Variants in PROM2 observed in about 807,000 individuals in gnomAD.
PROM2 encodes prominin 2.
In PROM2, 90 loss-of-function variants were observed where a neutral mutation model predicts 110.2. That is an observed-to-expected ratio of 0.82 (90% CI 0.69 to 0.97). PROM2 has a LOEUF of 0.97. Among genes scored for constraint, PROM2 ranks in the 50% least tolerant of loss-of-function variants. PROM2 has a pLI of 0.00. For synonymous variants in PROM2, 470 were observed against 467.8 expected (o/e 1.00, Z -0.06); for missense variants, 1,009 against 1,074.8 (o/e 0.94, Z 0.86).
At chr2:95,277,268 A>T in intron 6 of PROM2, 96 bp from the exon 7 acceptor site, 2 of 1,350,652 alleles carry the variant, frequency 1.5e-6, no homozygotes, top group Non-Finnish European at 2.0e-6. Context: ...AATGATTTGC[A>T]GGTCCCTTTG....
At position 95,274,730 on chromosome 2, in the gene PROM2, T is replaced by G; in HGVS notation, c.145T>G (p.Trp49Gly). 3 of 1,612,090 alleles carry G rather than the reference T, an allele frequency of 1.9e-6. No homozygotes were observed. Among genetic ancestry groups the G allele is most frequent in the Non-Finnish European group, 2.5e-6 (3 of 1,179,862 alleles). ...ATTCACCCCAGCAGCCAGGGCCCGG[T>G]GGCTGGCCCCTCGAGTTCGTGCGCC... ...LTFTPAARAR[W>G]LAPRVRAPGL... The change falls in exon 1 of 24, where the codon TGG (tryptophan) becomes GGG (glycine). Residue 49 changes from tryptophan to glycine, a missense_variant. Coordinates refer to ENST00000317620, the MANE Select transcript of PROM2 (RefSeq NM_001165978.3).
At chr2:95,274,954 A>T in intron 1 of PROM2, 125 bp downstream of exon 1, 1 of 1,297,346 alleles carries the variant, frequency 7.7e-7, no homozygotes, top group Non-Finnish European at 1.0e-6. Flanking sequence ...CTGGGGTAGA[A>T]GGCGGAGGAT....
At position 95,276,327 on chromosome 2, in the gene PROM2, C is replaced by G. The variant is rs774018520; in HGVS notation, c.598C>G (p.Leu200Val). 11 of 1,613,570 alleles carry G rather than the reference C, an allele frequency of 6.8e-6. No individual in the cohort carries two copies. In the South Asian group the frequency reaches 1.1e-4, roughly 16 times the overall value. Residue 200 changes from leucine to valine, a missense_variant, in exon 4 of 24, where the codon CTG (leucine) becomes GTG (valine). Transcript: ENST00000317620. The surrounding 1 kb of genome is among the most constrained non-coding windows in gnomAD (Gnocchi z 4.6). The part of the protein sequence containing the change: ...MPETLLSLWG[L>V]VSDVPQELQA... Reference sequence around the variant, plus strand: ...TGAGACCCTGCTCAGCCTCTGGGGCCTGGTCTCTGATGTCCCCCAAGTGAG... The same window carrying G: ...TGAGACCCTGCTCAGCCTCTGGGGCGTGGTCTCTGATGTCCCCCAAGTGAG...
chr2:95,285,842 C>G (rs1420173096), intron 16 of PROM2, 132 bp downstream of exon 16: 1 of 811,334 alleles, frequency 1.2e-6, no homozygotes, highest in Non-Finnish European at 2.0e-6. Context: ...AGGCTCCTGA[C>G]CCCTGGCTGG....
At position 95,289,017 on chromosome 2, in the gene PROM2, C is replaced by T. The variant is rs1418772749; in HGVS notation, c.*10+11C>T. On this transcript the variant is annotated intron_variant, in intron 23 of 23. Transcript: ENST00000317620. ...TGTAGGGCCTTGTGGGTGAGTTTTC[C>T]CCAACTCGCTTAATTGCTCCCTGCC... 2 of 1,609,134 alleles carry T rather than the reference C, an allele frequency of 1.2e-6. No homozygotes were observed. The highest frequency in any genetic ancestry group is 2.7e-5 in the African/African-American group (2 of 74,810).
chr2:95,275,824 C>T lies in PROM2; in HGVS notation c.295-106C>T. On this transcript the variant is annotated intron_variant, in intron 2 of 23. Transcript: ENST00000317620. This position sits in a 1 kb window ranked among gnomAD's most constrained non-coding sequence, Gnocchi z 4.4. The stretch of plus-strand genomic sequence containing the variant: ...CGGGTTCCATGAGATGCAGGCCATG[C>T]CCCTGACGGCACTCCCGCCCCTTCT... The T allele has an allele frequency of 6.6e-7, 1 of 1,523,158 alleles. No individual in the cohort carries two copies. Among genetic ancestry groups the T allele is most frequent in the Non-Finnish European group, 8.8e-7 (1 of 1,139,072 alleles). 94.4% of individuals were successfully genotyped at this position (1,523,158 alleles called of 1,614,324 possible).
rs1677578379 is a variant in PROM2 at position 95,289,598 on chromosome 2, A to G, written c.*385A>G. ...CTTCCCGTGTGTCTTCCCCCTGCCA[A>G]GCCTCCCCCTGCCAAGCCTCCCCCT... On this transcript the variant is annotated 3_prime_UTR_variant, in exon 24 of 24. Transcript: ENST00000317620. The G allele has an allele frequency of 8.2e-6, 1 of 121,514 alleles. No homozygotes were observed. Among genetic ancestry groups the G allele is most frequent in the African/African-American group, 3.2e-5 (1 of 31,514 alleles). 7.5% of individuals were successfully genotyped at this position (121,514 alleles called of 1,614,324 possible). A position where few individuals can be genotyped will look rare whatever the true frequency, so the allele number is the denominator to read the frequency against.
At position 95,286,798 on chromosome 2, in the gene PROM2, C is replaced by T. The variant is rs367992346; in HGVS notation, c.2041-6C>T. On this transcript the variant is annotated splice_polypyrimidine_tract_variant and splice_region_variant and intron_variant, in intron 17 of 23. Transcript: ENST00000317620. Reference sequence around the variant, plus strand: ...CCCCTAACCAGCCCTGATCTCTTCTCCACAGGCAAAGCTCAACCTCAGCGT... The same window carrying T: ...CCCCTAACCAGCCCTGATCTCTTCTTCACAGGCAAAGCTCAACCTCAGCGT... The T allele has an allele frequency of 1.2e-6, 2 of 1,612,786 alleles. No homozygotes were observed. Among genetic ancestry groups the T allele is most frequent in the Non-Finnish European group, 8.5e-7 (1 of 1,179,520 alleles).
In PROM2 at chr2:95,276,078, C is replaced by T; in HGVS notation, c.443C>T (p.Ala148Val). ...GRVKTEHKAL[A>V]CERAALMVFL... is the part of the protein sequence containing the mutation. ...GTGAAGACAGAGCACAAGGCGCTGG[C>T]CTGTGAGCGCGCGGCCCTCATGGTC... The change falls in exon 3 of 24, where the codon GCC (alanine) becomes GTC (valine). Residue 148 changes from alanine to valine, a missense_variant. By Grantham distance (64) the Ala-to-Val change is moderately conservative (BLOSUM62 0). Transcript: ENST00000317620. This position sits in a 1 kb window ranked among gnomAD's most constrained non-coding sequence, Gnocchi z 4.6. 1 of 1,611,248 alleles carries T rather than the reference C, an allele frequency of 6.2e-7. No homozygotes were observed. Among genetic ancestry groups the T allele is most frequent in the Non-Finnish European group, 8.5e-7 (1 of 1,179,856 alleles).
Position 95,286,826 on chromosome 2 carries a change from G to A in PROM2, c.2063G>A (p.Arg688Lys). The stretch of plus-strand genomic sequence containing the variant: ...CAGGCAAAGCTCAACCTCAGCGTCA[G>A]GGCCCTGGAGTCCTCTGCCCCGAAT... ...SLVAKLNLSV[R>K]ALESSAPNLQ... Residue 688 changes from arginine to lysine, a missense_variant, in exon 18 of 24, where the codon AGG becomes AAG. Coordinates refer to ENST00000317620, the MANE Select transcript of PROM2 (RefSeq NM_001165978.3). 2.5e-6 allele frequency: 4 copies of A among 1,613,668 alleles called. No individual in the cohort carries two copies. Among genetic ancestry groups the A allele is most frequent in the Non-Finnish European group, 3.4e-6 (4 of 1,179,950 alleles).
At chr2:95,278,647 T>G in intron 8 of PROM2, 74 bp from the exon 9 acceptor site, 1 of 1,566,136 alleles carries the variant, frequency 6.4e-7, no homozygotes. Context: ...CCTCTAGGCC[T>G]GGTGACTTTG....
chr2:95,276,759 G>A lies in PROM2; in HGVS notation c.682+102G>A. 1 of 1,347,240 alleles carries A rather than the reference G, an allele frequency of 7.4e-7. No homozygotes were observed. The highest frequency in any genetic ancestry group is 1.4e-5 in the African/African-American group (1 of 69,342). 83.5% of individuals were successfully genotyped at this position (1,347,240 alleles called of 1,614,324 possible). ...ACTCCCTCATTCTGGACACCCCCGG[G>A]AACAGGCTGGTAGAGGTGGGGATCA... On this transcript the variant is annotated intron_variant, in intron 5 of 23. Coordinates refer to ENST00000317620, the MANE Select transcript of PROM2 (RefSeq NM_001165978.3). The surrounding 1 kb of genome is among the most constrained non-coding windows in gnomAD (Gnocchi z 4.6).
At chr2:95,278,687 G>A (rs373592385) in intron 8 of PROM2, 34 bp from the exon 9 acceptor site, 76 of 1,613,592 alleles carry the variant, frequency 4.7e-5, no homozygotes, top group Non-Finnish European at 5.8e-5. Flanking sequence ...ACTGGGCAGA[G>A]ATGGGGAGGC....
chr2:95,287,323 G>A, intron 19 of PROM2, 73 bp from the exon 20 acceptor site: 3 of 1,573,086 alleles, frequency 1.9e-6, no homozygotes, highest in South Asian at 1.1e-5. Context: ...TGCCAGGCAT[G>A]GGGGGTGGCG....
chr2:95,289,128 A>T, intron 23 of PROM2, 96 bp from the exon 24 acceptor site: 1 of 790,292 alleles, frequency 1.3e-6, no homozygotes, highest in Non-Finnish European at 2.1e-6. Context: ...GACATGGTGG[A>T]GTCTGGGTAT....
At chr2:95,287,332 C>T (rs569847246) in intron 19 of PROM2, 64 bp from the exon 20 acceptor site, 39 of 1,361,662 alleles carry the variant, frequency 2.9e-5, no homozygotes, top group East Asian at 8.4e-5. Flanking sequence ...TGGGGGGTGG[C>T]GTGGGTGGGG....
At chr2:95,286,929 C>T (rs1368072900) in intron 18 of PROM2, 72 bp downstream of exon 18, 1 of 1,522,610 alleles carries the variant, frequency 6.6e-7, no homozygotes, top group Non-Finnish European at 9.1e-7. Context: ...AGGAGCCCAT[C>T]TCACTCTGCA....
intron 18 of PROM2, 35 bp from the exon 19 acceptor site, chr2:95,287,098 G>C: frequency 6.4e-7 from 1 of 1,574,024 alleles, no homozygotes; most frequent in Non-Finnish European, 8.7e-7. Flanking sequence ...ATGCGTGAAT[G>C]TGGGACACTG....
chr2:95,284,945 C>T, intron 14 of PROM2, 24 bp from the exon 15 acceptor site: 1 of 1,604,002 alleles, frequency 6.2e-7, no homozygotes, highest in Non-Finnish European at 8.5e-7. Context: ...GGGCATGACT[C>T]CCACCCTGCG....
Sources: gnomAD v4.1 joint callset for allele counts on GRCh38, gnomAD v4.1.1 for gene constraint, Gnocchi (gnomAD v3.1) non-coding constraint, MANE v1.5 for transcripts, NCBI Gene and HGNC (gene_info 2026-07-23, HGNC 2026-07-21) for gene names.